The following MYO5A variants were observed in gnomAD, a reference collection of about 807,000 sequenced individuals.
MYO5A encodes myosin VA, also known as unconventional myosin-Va.
In MYO5A, 98 loss-of-function variants were observed where a neutral mutation model predicts 249.7. The ratio of observed to expected loss-of-function variants is 0.39; its 90% CI spans 0.33 to 0.46. MYO5A has a LOEUF of 0.46. MYO5A is among the 20% of genes least tolerant of loss of function. The pLI, the probability that MYO5A is intolerant of heterozygous loss-of-function variation, is 0.98. For synonymous variants in MYO5A, 778 were observed against 810.6 expected, an observed-to-expected ratio of 0.96 and a Z score of 0.68; for missense variants, 1,696 against 2,308.8, an observed-to-expected ratio of 0.73 and a Z score of 5.44.
At chr15:52,355,791 A>G (rs2040190535) in intron 25 of MYO5A, among the ~76,000 whole-genome samples, 1 of 152,212 alleles carries the variant, frequency 6.6e-6, no homozygotes, top group South Asian at 2.1e-4. Context: ...CATTTTATAT[A>G]AGAGACTTGA....
At chr15:52,382,988 T>C in intron 16 of MYO5A, 103 bp downstream of exon 16, 1 of 1,012,452 alleles carries the variant, frequency 9.9e-7, no homozygotes, top group Non-Finnish European at 1.6e-6. Flanking sequence ...ACCCAAATAT[T>C]TTTTTCCTTA....
intron 1 of MYO5A, among the ~76,000 whole-genome samples, chr15:52,434,288 G>A (rs1350064763): frequency 2.6e-5 from 4 of 152,056 alleles, no homozygotes; most frequent in Non-Finnish European, 4.4e-5. Context: ...ATGAGCCACC[G>A]TGCCCGGCCC....
intron 1 of MYO5A, among the ~76,000 whole-genome samples, chr15:52,449,040 C>T (rs1225985277): frequency 7.4e-6 from 1 of 134,788 alleles, no homozygotes; most frequent in African/African-American, 2.9e-5. Flanking sequence ...ACAATCTCGG[C>T]TCACTGCAAA....
intron 14 of MYO5A, among the ~76,000 whole-genome samples, chr15:52,385,250 C>A (rs1446969391): frequency 6.6e-6 from 1 of 152,194 alleles, no homozygotes; most frequent in African/African-American, 2.4e-5. Flanking sequence ...AATTATATAT[C>A]TATTAACCTT....
intron 12 of MYO5A, among the ~76,000 whole-genome samples, chr15:52,391,283 T>A (rs2042223148): frequency 6.6e-6 from 1 of 152,196 alleles, no homozygotes; most frequent in South Asian, 2.1e-4. Flanking sequence ...TTGGTTTGCA[T>A]TTTTTAAAAT....
At chr15:52,397,606 AG>A in intron 9 of MYO5A, 140 bp from the exon 10 acceptor site, 3 of 1,010,302 alleles carry the variant, frequency 3.0e-6, no homozygotes, top group Non-Finnish European at 4.5e-6. Flanking sequence ...AAAGTTGATT[AG>A]TGATAATAAT....
At chr15:52,476,088 T>C (rs2076585222) in intron 1 of MYO5A, among the ~76,000 whole-genome samples, 1 of 152,214 alleles carries the variant, frequency 6.6e-6, no homozygotes, top group South Asian at 2.1e-4. Context: ...ATTGGGTGCA[T>C]ATATATTTAG....
chr15:52,491,315 A>G (rs1253573651), intron 1 of MYO5A, among the ~76,000 whole-genome samples: 1 of 152,214 alleles, frequency 6.6e-6, no homozygotes, highest in Non-Finnish European at 1.5e-5. Flanking sequence ...TTACTAAGGT[A>G]CTGAAGGATT....
chr15:52,429,328 C>A (rs537551486), intron 2 of MYO5A, among the ~76,000 whole-genome samples: 222 of 152,126 alleles, frequency 1.5e-3, no homozygotes, highest in African/African-American at 5.2e-3. Context: ...CCAAGGCGGG[C>A]GGATTACCTG....
rs2039127434 is a variant in MYO5A, at chr15:52,336,562, G to A, written c.4315-6C>T. ...TCAAGTTGTTCCATCAAATCCTAAA[G>A]ATCAAAAAGAGAAATATATTAGAAA... On this transcript the variant is annotated splice_region_variant and splice_polypyrimidine_tract_variant and intron_variant, in intron 33 of 41. Coordinates refer to ENST00000399233, the MANE Select transcript of MYO5A (RefSeq NM_001382347.1). 6.3e-7 allele frequency: 1 copy of A among 1,584,452 alleles called. No individual in the cohort carries two copies. The highest frequency in any genetic ancestry group is 1.3e-5 in the African/African-American group (1 of 74,344).
chr15:52,357,452 C>CAAAAAAAAAA (rs35645503), intron 25 of MYO5A, among the ~76,000 whole-genome samples: 10 of 93,710 alleles, frequency 1.1e-4, no homozygotes, highest in Admixed American at 1.1e-4. Flanking sequence ...CTAGAACTAG[C>CAAAAAAAAAA]AAAAAAAAAA....
intron 12 of MYO5A, among the ~76,000 whole-genome samples, chr15:52,390,437 T>C (rs1018143532): frequency 1.3e-5 from 2 of 151,708 alleles, no homozygotes; most frequent in East Asian, 1.9e-4. Flanking sequence ...TTCTGTCAAA[T>C]AAAGGTAACA....
chr15:52,393,618 C>G (rs2042357666), intron 11 of MYO5A, among the ~76,000 whole-genome samples: 1 of 152,174 alleles, frequency 6.6e-6, no homozygotes, highest in East Asian at 1.9e-4. Context: ...CAGTCTCGAT[C>G]TCCTGACCTC....
At chr15:52,418,141 G>C (rs2043602735) in intron 4 of MYO5A, among the ~76,000 whole-genome samples, 3 of 152,158 alleles carry the variant, frequency 2.0e-5, no homozygotes, top group Admixed American at 2.0e-4. Flanking sequence ...AGTTTGGAAA[G>C]AGCAGATAAC....
At chr15:52,495,814 T>G (rs2077026569) in intron 1 of MYO5A, among the ~76,000 whole-genome samples, 1 of 152,216 alleles carries the variant, frequency 6.6e-6, no homozygotes, top group African/African-American at 2.4e-5. Flanking sequence ...TCAAAAACTC[T>G]ACCTCTAGTC....
intron 3 of MYO5A, among the ~76,000 whole-genome samples, chr15:52,428,062 TA>T (rs1567116375): frequency 6.6e-6 from 1 of 152,194 alleles, no homozygotes; most frequent in Non-Finnish European, 1.5e-5. Flanking sequence ...GCTCCAAAGA[TA>T]AGTCCTTGGA....
chr15:52,488,915 T>C (rs979668273), intron 1 of MYO5A, among the ~76,000 whole-genome samples: 1 of 152,238 alleles, frequency 6.6e-6, no homozygotes, highest in Non-Finnish European at 1.5e-5. Flanking sequence ...AAAGATGAGA[T>C]AAATCAGTAA....
chr15:52,416,321 T>TA lies in MYO5A; in HGVS notation c.456-21dup, dbSNP rs35521932. 2.5e-6 allele frequency: 4 copies of TA among 1,612,210 alleles called. No homozygotes were observed. Among genetic ancestry groups the TA allele is most frequent in the Middle Eastern group, 1.7e-4 (1 of 6,044 alleles). ...TCATCTCTGTAAAATAAAAATTTTT[T>TA]AAAAAGTAACTGCCATTGCTGCCTA... On this transcript the variant is annotated intron_variant, in intron 4 of 41. Coordinates refer to ENST00000399233, the MANE Select transcript of MYO5A (RefSeq NM_001382347.1).
At chr15:52,386,435 C>A in intron 14 of MYO5A, among the ~76,000 whole-genome samples, 1 of 152,106 alleles carries the variant, frequency 6.6e-6, no homozygotes, top group Admixed American at 6.6e-5. Flanking sequence ...ATAAATCAAA[C>A]CAATAAAGAT....
Sources: allele counts gnomAD v4.1 joint callset (sites outside exome capture counted in the v4.1 genomes callset), GRCh38; gene constraint gnomAD v4.1.1; transcripts MANE v1.5; gene names NCBI Gene and HGNC (gene_info 2026-07-23, HGNC 2026-07-21).